The following OGDHL variants were observed in gnomAD, a reference collection of about 807,000 sequenced individuals.
The protein encoded by OGDHL is oxoglutarate dehydrogenase L.
OGDHL carries 79 observed loss-of-function variants against 109.6 expected under a neutral mutation model. The ratio of observed to expected loss-of-function variants is 0.72; its 90% confidence interval spans 0.60 to 0.87. The LOEUF (loss-of-function observed/expected upper bound fraction) is 0.87. OGDHL is among the 40% of genes least tolerant of loss of function. OGDHL has a pLI of 0.00. For synonymous variants in OGDHL, 528 were observed against 537.2 expected (o/e 0.98, Z 0.24); for missense variants, 1,275 against 1,362.2 (o/e 0.94, Z 1.01).
At position 49,739,732 on chromosome 10, in the gene OGDHL, T is replaced by C. The variant is rs769342520; in HGVS notation, c.2248A>G (p.Ser750Gly). ...CGCACCCACTTGGCCTGGCCGGTGC[T>C]GATGAACTGGTCGATGATGCACTGG... ...TAQCIIDQFI[S>G]TGQAKWVRHN... The change falls in exon 17 of 23, where the codon AGC (serine) becomes GGC (glycine). Residue 750 changes from serine (S) to glycine (G), a missense_variant. Physicochemically the swap from Ser to Gly is moderately conservative, Grantham distance 56. Coordinates refer to ENST00000374103, the MANE Select transcript of OGDHL (RefSeq NM_018245.3). 1 of 1,614,148 alleles carries C rather than the reference T, an allele frequency of 6.2e-7. No individual in the cohort carries two copies. Among genetic ancestry groups the C allele is most frequent in the Non-Finnish European group, 8.5e-7 (1 of 1,179,982 alleles).
chr10:49,749,888 G>A (rs974519045), intron 7 of OGDHL, 72 bp from the exon 8 acceptor site: 1 of 1,305,166 alleles, frequency 7.7e-7, no homozygotes, highest in Admixed American at 2.1e-5. Flanking sequence ...CCACTGTGGA[G>A]GCCTGGCCTG....
At chr10:49,745,128 C>G (rs879789273) in intron 12 of OGDHL, among the ~76,000 whole-genome samples, 2 of 152,268 alleles carry the variant, frequency 1.3e-5, no homozygotes, top group Non-Finnish European at 2.9e-5. Flanking sequence ...GGCTGGACTT[C>G]CCCCACATTG....
At chr10:49,747,260 G>A in intron 8 of OGDHL, 52 bp from the exon 9 acceptor site, 1 of 1,583,890 alleles carries the variant, frequency 6.3e-7, no homozygotes, top group African/African-American at 1.3e-5. Context: ...CATCAGACAG[G>A]CAGATACACA....
In OGDHL at chr10:49,750,900, T is replaced by C. The variant is rs1222888921; in HGVS notation, c.835A>G (p.Thr279Ala). Reference protein sequence around the residue: ...GCEVMIPALKTIIDKSSEMGI... With the variant: ...GCEVMIPALKAIIDKSSEMGI... ...ATCTCGCTGGATTTGTCGATGATGG[T>C]CTTGAGGGCAGGAATCATCACTTCA... Residue 279 changes from threonine to alanine, a missense_variant, in exon 7 of 23, where the codon ACC becomes GCC. Transcript: ENST00000374103. 2 of 1,612,492 alleles carry C rather than the reference T, an allele frequency of 1.2e-6. No individual in the cohort carries two copies. The highest frequency in any genetic ancestry group is 3.3e-5 in the Admixed American group (2 of 59,860).
chr10:49,751,709 G>A, intron 6 of OGDHL, 118 bp downstream of exon 6: 3 of 1,340,488 alleles, frequency 2.2e-6, no homozygotes, highest in Non-Finnish European at 3.1e-6. Flanking sequence ...CCAGTGGTGA[G>A]GCCGATCCAG....
rs371139818 is a variant in OGDHL at position 49,755,347 on chromosome 10, C to T, written c.375+1429G>A. Among the ~76,000 whole-genome samples the T allele has an allele frequency of 9.8e-4, 149 of 152,306 alleles. 1 individual carries two copies. In the South Asian group the frequency reaches 0.028, roughly 29 times the overall value. ...TAGATGCGATAATGGTATCATGGCA[C>T]ATTTTTTAAGAAGCCCTTTTCTCTA... is the stretch of plus-strand genomic sequence containing the variant. On this transcript the variant is annotated intron_variant, in intron 3 of 22. Coordinates refer to ENST00000374103, the MANE Select transcript of OGDHL (RefSeq NM_018245.3).
At chr10:49,748,604 T>C (rs1186950575) in intron 8 of OGDHL, among the ~76,000 whole-genome samples, 1 of 152,214 alleles carries the variant, frequency 6.6e-6, no homozygotes, top group Non-Finnish European at 1.5e-5. Context: ...CATCTTTGAC[T>C]CATTGCAACC....
chr10:49,750,559 G>A (rs189473362), intron 7 of OGDHL, among the ~76,000 whole-genome samples: 3 of 152,282 alleles, frequency 2.0e-5, no homozygotes, highest in East Asian at 3.9e-4. Context: ...ATAGTGTACC[G>A]CTTTCTGAAA....
chr10:49,747,215 G>A lies in OGDHL; in HGVS notation c.988-7C>T, dbSNP rs1273765848. 5 of 1,613,480 alleles carry A rather than the reference G, an allele frequency of 3.1e-6. No individual in the cohort carries two copies. The East Asian group carries it at 6.7e-5, about 22-fold the overall frequency. On this transcript the variant is annotated splice_region_variant and splice_polypyrimidine_tract_variant and intron_variant, in intron 8 of 22. Transcript: ENST00000374103. ...ACTTGACATCCCCGGAGCCCTGAAG[G>A]TGGAGATGGGAACATGATGGATCCT...
In OGDHL at chr10:49,742,955, G is replaced by T; in HGVS notation, c.1885C>A (p.Arg629Ser). 1 of 1,613,634 alleles carries T rather than the reference G, an allele frequency of 6.2e-7. No individual in the cohort carries two copies. Among genetic ancestry groups the T allele is most frequent in the Non-Finnish European group, 8.5e-7 (1 of 1,179,990 alleles). ...HTGLSRILRG[R>S]ADMTKNRTVD... Reference sequence around the variant, plus strand: ...GTCCGGTTCTTGGTCATGTCCGCACGGCCCCGCAGAATGCGAGAGAGGCCT... The same window carrying T: ...GTCCGGTTCTTGGTCATGTCCGCACTGCCCCGCAGAATGCGAGAGAGGCCT... The change falls in exon 15 of 23, where the codon CGT (arginine) becomes AGT (serine). Residue 629 changes from arginine (R) to serine (S), a missense_variant. Coordinates refer to ENST00000374103, the MANE Select transcript of OGDHL (RefSeq NM_018245.3).
Position 49,736,370 on chromosome 10 carries a change from G to A in OGDHL, c.2741C>T (p.Thr914Met), listed in dbSNP as rs766333240. 19 of 1,614,028 alleles carry A rather than the reference G, an allele frequency of 1.2e-5. No homozygotes were observed. Among genetic ancestry groups the A allele is most frequent in the South Asian group, 8.8e-5 (8 of 91,092 alleles). ...GTTCAGGCACACCTGCTCCAGGCGC[G>A]TGATGGCCACTTTCTCCTCCAGGTC... is the stretch of plus-strand genomic sequence containing the variant. ...SQDLEEKVAITRLEQISPFPF... is the reference protein window; with the variant it reads ...SQDLEEKVAIMRLEQISPFPF... Residue 914 changes from threonine (T) to methionine (M), a missense_variant, in exon 21 of 23, where the codon ACG becomes ATG. By Grantham distance (81) the Thr-to-Met change is moderately conservative. Transcript: ENST00000374103.
At position 49,742,972 on chromosome 10, in the gene OGDHL, G is replaced by C. The variant is rs34877195; in HGVS notation, c.1868C>G (p.Ser623Cys). The change falls in exon 15 of 23, where the codon TCT becomes TGT. Residue 623 changes from serine (S) to cysteine (C), a missense_variant. By Grantham distance (112) the Ser-to-Cys change is moderately radical. Transcript: ENST00000374103. The stretch of plus-strand genomic sequence containing the variant: ...GTCCGCACGGCCCCGCAGAATGCGA[G>C]AGAGGCCTGTGGGAAAGGAGTGCTG... ...LEDFKIHTGL[S>C]RILRGRADMT... 1,632 of 1,612,892 alleles carry C rather than the reference G, an allele frequency of 1.0e-3. 13 individuals are homozygous for C. In the African/African-American group the frequency reaches 0.018, roughly 18 times the overall value.
chr10:49,755,308 G>A (rs531773186), intron 3 of OGDHL, among the ~76,000 whole-genome samples: 1 of 152,308 alleles, frequency 6.6e-6, no homozygotes, highest in African/African-American at 2.4e-5. Flanking sequence ...TTTGATATTA[G>A]GCATTATTAT....
intron 3 of OGDHL, among the ~76,000 whole-genome samples, chr10:49,753,756 G>A (rs935383393): frequency 2.0e-5 from 3 of 152,084 alleles, no homozygotes; most frequent in South Asian, 2.1e-4. Context: ...TGGGCGTGGC[G>A]GCACATGCCT....
intron 13 of OGDHL, 109 bp from the exon 14 acceptor site, chr10:49,744,231 G>T: frequency 7.1e-7 from 1 of 1,412,612 alleles, no homozygotes; most frequent in Non-Finnish European, 9.5e-7. Context: ...AAACTCCACC[G>T]GCACTCGGAC....
At chr10:49,748,307 G>A (rs899715486) in intron 8 of OGDHL, among the ~76,000 whole-genome samples, 4 of 152,192 alleles carry the variant, frequency 2.6e-5, no homozygotes, top group South Asian at 2.1e-4. Flanking sequence ...GGTGCCACCC[G>A]GTGTCACGGC....
rs141575543 is a variant in OGDHL, at chr10:49,745,939, T to G, written c.1335A>C (p.Ser445=). 24 of 1,614,004 alleles carry G rather than the reference T, an allele frequency of 1.5e-5. No individual in the cohort carries two copies. The African/African-American group carries it at 2.4e-4, about 16-fold the overall frequency. ...CCCGGGCCACGTCGGTCGGGTATGGTGAGGAGCGGGCCATTCGGGGGTCTG... is the reference window on the plus strand; with the variant it reads ...CCCGGGCCACGTCGGTCGGGTATGGGGAGGAGCGGGCCATTCGGGGGTCTG... ...FTTDPRMARS[S]PYPTDVARVV... The change falls in exon 11 of 23, where the codon TCA becomes TCC. Residue 445 remains serine, a synonymous_variant. Coordinates refer to ENST00000374103, the MANE Select transcript of OGDHL (RefSeq NM_018245.3).
chr10:49,744,479 A>T (rs1842031633), intron 13 of OGDHL, among the ~76,000 whole-genome samples, 171 bp downstream of exon 13: 1 of 152,078 alleles, frequency 6.6e-6, no homozygotes, highest in Non-Finnish European at 1.5e-5. Context: ...GGGCAATGCT[A>T]TCCTTGACTT....
rs1261730129 is a variant in OGDHL, at chr10:49,735,050, G to A, written c.*178C>T. The stretch of plus-strand genomic sequence containing the variant: ...GACTCCTCTGGCTCCCTCAGTCCTG[G>A]TAGATTCTGGCATGACACCAAGGCC... On this transcript the variant is annotated 3_prime_UTR_variant, in exon 23 of 23. Transcript: ENST00000374103. 1.6e-5 allele frequency: 11 copies of A among 698,964 alleles called. No homozygotes were observed. The highest frequency in any genetic ancestry group is 3.1e-5 in the Admixed American group (1 of 32,662). 43.3% of individuals were successfully genotyped at this position (698,964 alleles called of 1,614,324 possible).
Sources: allele counts gnomAD v4.1 joint callset (sites outside exome capture counted in the v4.1 genomes callset), GRCh38; gene constraint gnomAD v4.1.1; transcripts MANE v1.5; gene names NCBI Gene and HGNC (gene_info 2026-07-23, HGNC 2026-07-21).